Variants in SV2B observed in about 807,000 individuals in gnomAD.
SV2B encodes solute carrier family 22 member B2.
A neutral mutation model predicts 73.9 loss-of-function variants in SV2B; 41 were observed. The observed-to-expected ratio is 0.56, with a 90% CI of 0.43 to 0.72. SV2B has a LOEUF of 0.72. Among genes scored for constraint, SV2B ranks in the 30% least tolerant of loss-of-function variants. The pLI, the probability that SV2B is intolerant of heterozygous loss-of-function variation, is 0.00. For synonymous variants in SV2B, 314 were observed against 314.2 expected (o/e 1.00, Z 0.01); for missense variants, 764 against 857.8 (o/e 0.89, Z 1.37).
chr15:91,202,118 C>G (rs1435079151), intron 1 of SV2B, among the ~76,000 whole-genome samples: 2 of 152,200 alleles, frequency 1.3e-5, no homozygotes, highest in Non-Finnish European at 1.5e-5. Flanking sequence ...TCTCTCCTCA[C>G]TTCCCCACAT....
In SV2B at chr15:91,284,050, C is replaced by T. The variant is rs193920952; in HGVS notation, c.1537C>T (p.Arg513Trp). The T allele has an allele frequency of 1.9e-5, 30 of 1,614,078 alleles. No homozygotes were observed. The highest frequency in any genetic ancestry group is 1.6e-4 in the Middle Eastern group (1 of 6,084). Residue 513 changes from arginine to tryptophan, a missense_variant, in exon 11 of 13, where the codon CGG (arginine) becomes TGG (tryptophan). Transcript: ENST00000394232. This position sits in a 1 kb window ranked among gnomAD's most constrained non-coding sequence, Gnocchi z 4.5. ...CTACGAGCACAAGTTCATCAACTGTCGGTTTATCAACTCCACCTTCCTGGA... is the reference window on the plus strand; with the variant it reads ...CTACGAGCACAAGTTCATCAACTGTTGGTTTATCAACTCCACCTTCCTGGA... ...DLYEHKFINC[R>W]FINSTFLEQK...
At position 91,136,421 on chromosome 15, in the gene SV2B, C is replaced by T. The variant is rs1367143247; in HGVS notation, c.-392+36058C>T. Reference sequence around the variant, plus strand: ...CTTAGGTATATTCTCGGAGAGAGAACCTTTATTTACCCGTGCCCATCCAGC... The same window carrying T: ...CTTAGGTATATTCTCGGAGAGAGAATCTTTATTTACCCGTGCCCATCCAGC... On this transcript the variant is annotated intron_variant, in intron 1 of 12. Coordinates refer to ENST00000394232, the MANE Select transcript of SV2B (RefSeq NM_001323032.3). The surrounding 1 kb of genome is among the most constrained non-coding windows in gnomAD (Gnocchi z 5.6). Among the ~76,000 whole-genome samples the T allele has an allele frequency of 6.6e-6, 1 of 152,140 alleles. No individual in the cohort carries two copies. Among genetic ancestry groups the T allele is most frequent in the African/African-American group, 2.4e-5 (1 of 41,422 alleles).
rs1036435671 is a variant in SV2B at position 91,197,161 on chromosome 15, C to T, written c.-391-28712C>T. 6.6e-6 allele frequency among the ~76,000 whole-genome samples: 1 copy of T among 152,168 alleles called. No homozygotes were observed. Among genetic ancestry groups the T allele is most frequent in the African/African-American group, 2.4e-5 (1 of 41,450 alleles). On this transcript the variant is annotated intron_variant, in intron 1 of 12. Coordinates refer to ENST00000394232, the MANE Select transcript of SV2B (RefSeq NM_001323032.3). The surrounding 1 kb of genome is among the most constrained non-coding windows in gnomAD (Gnocchi z 4.9). ...TACCGTACTTCTCAGAGAATCAATA[C>T]CCATTAACAAAAAGAAATGCTGTGA...
At chr15:91,134,514 G>C (rs2042758318) in intron 1 of SV2B, among the ~76,000 whole-genome samples, 1 of 152,170 alleles carries the variant, frequency 6.6e-6, no homozygotes, top group Non-Finnish European at 1.5e-5. Flanking sequence ...AGAGCGAAAA[G>C]GGGGTGCTTT....
At chr15:91,189,993 A>G (rs868727132) in intron 1 of SV2B, among the ~76,000 whole-genome samples, 20 of 152,316 alleles carry the variant, frequency 1.3e-4, no homozygotes, top group East Asian at 3.8e-4. Context: ...ATCTCAAAAA[A>G]AAAGAAAGAA....
chr15:91,266,921 C>T, intron 7 of SV2B: 2 of 392,604 alleles, frequency 5.1e-6, no homozygotes, highest in Non-Finnish European at 9.0e-6. Flanking sequence ...TTTGTTCTTC[C>T]TTCCCAAGGC....
At chr15:91,107,618 A>G (rs1301596105) in intron 1 of SV2B, among the ~76,000 whole-genome samples, 1 of 149,486 alleles carries the variant, frequency 6.7e-6, no homozygotes, top group Non-Finnish European at 1.5e-5. Flanking sequence ...CTAACTTTCT[A>G]TTTTTTTTTG....
At position 91,226,558 on chromosome 15, in the gene SV2B, A is replaced by G. The variant is rs147254728; in HGVS notation, c.295A>G (p.Met99Val). 2.5e-6 allele frequency: 4 copies of G among 1,614,088 alleles called. No individual in the cohort carries two copies. The African/African-American group carries it at 5.3e-5, about 22-fold the overall frequency. The change falls in exon 2 of 13, where the codon ATG becomes GTG. Residue 99 changes from methionine (M) to valine (V), a missense_variant. Met to Val is a conservative substitution (Grantham distance 21, BLOSUM62 1). Coordinates refer to ENST00000394232, the MANE Select transcript of SV2B (RefSeq NM_001323032.3). ...EQLAHQYETI[M>V]DECGHGRFQW... ...GTTGGCCCACCAGTACGAGACCATCATGGATGAGTGTGGCCATGGCCGCTT... is the reference window on the plus strand; with the variant it reads ...GTTGGCCCACCAGTACGAGACCATCGTGGATGAGTGTGGCCATGGCCGCTT...
chr15:91,170,736 A>G (rs1201106586), intron 1 of SV2B, among the ~76,000 whole-genome samples: 1 of 152,266 alleles, frequency 6.6e-6, no homozygotes, highest in Non-Finnish European at 1.5e-5. Flanking sequence ...AGTGCTTGGC[A>G]TCAGGCAAGT....
Position 91,289,631 on chromosome 15 carries a change from T to G in SV2B, c.1819T>G (p.Trp607Gly). 1 of 1,614,094 alleles carries G rather than the reference T, an allele frequency of 6.2e-7. No individual in the cohort carries two copies. The highest frequency in any genetic ancestry group is 8.5e-7 in the Non-Finnish European group (1 of 1,180,030). ...GTTCTGTGGGACAAGCATTGCAGCCTGGAATGCTCTGGATGTGATCACAGT... is the reference window on the plus strand; with the variant it reads ...GTTCTGTGGGACAAGCATTGCAGCCGGGAATGCTCTGGATGTGATCACAGT... ...CLFCGTSIAA[W>G]NALDVITVEL... Residue 607 changes from tryptophan (W) to glycine (G), a missense_variant, in exon 12 of 13, where the codon TGG becomes GGG. Coordinates refer to ENST00000394232, the MANE Select transcript of SV2B (RefSeq NM_001323032.3). The surrounding 1 kb of genome is among the most constrained non-coding windows in gnomAD (Gnocchi z 4.9).
At chr15:91,151,914 C>G (rs926168500) in intron 1 of SV2B, among the ~76,000 whole-genome samples, 1 of 152,158 alleles carries the variant, frequency 6.6e-6, no homozygotes, top group Non-Finnish European at 1.5e-5. Context: ...TGCAAGAAAA[C>G]AGTAGTTACT....
chr15:91,107,297 G>GTTTGTTTATTTATTTATTTATTTATTTA (rs140617996), intron 1 of SV2B, among the ~76,000 whole-genome samples: 18 of 145,842 alleles, frequency 1.2e-4, no homozygotes, highest in South Asian at 8.7e-4. Context: ...TTATTTGTTT[G>GTTTGTTTATTTATTTATTTATTTATTTA]TTTATTTATT....
chr15:91,290,349 G>A lies in SV2B; in HGVS notation c.1868+669G>A, dbSNP rs1172525841. Among the ~76,000 whole-genome samples, 2 of 152,212 alleles carry A rather than the reference G, an allele frequency of 1.3e-5. No individual in the cohort carries two copies. The highest frequency in any genetic ancestry group is 2.9e-5 in the Non-Finnish European group (2 of 68,028). Reference sequence around the variant, plus strand: ...TGATATTTCCAAAATTGGCGACAGAGGTATTGGGATATAGATAACTAAGGA... The same window carrying A: ...TGATATTTCCAAAATTGGCGACAGAAGTATTGGGATATAGATAACTAAGGA... On this transcript the variant is annotated intron_variant, in intron 12 of 12. Transcript: ENST00000394232. This position sits in a 1 kb window ranked among gnomAD's most constrained non-coding sequence, Gnocchi z 4.7.
intron 1 of SV2B, among the ~76,000 whole-genome samples, chr15:91,175,572 TCC>T (rs1473153735): frequency 6.6e-6 from 1 of 152,082 alleles, no homozygotes; most frequent in African/African-American, 2.4e-5. Flanking sequence ...CTTTCTTATT[TCC>T]CAGTGAAATA....
At position 91,124,007 on chromosome 15, in the gene SV2B, G is replaced by C. The variant is rs1567270541; in HGVS notation, c.-392+23644G>C. Among the ~76,000 whole-genome samples, 2 of 152,170 alleles carry C rather than the reference G, an allele frequency of 1.3e-5. No homozygotes were observed. The highest frequency in any genetic ancestry group is 2.9e-5 in the Non-Finnish European group (2 of 68,034). ...AAAATATTCAGCTTGCAAGCTGCTA[G>C]TTCACAGACAGGCTTGAAATCCCTC... On this transcript the variant is annotated intron_variant, in intron 1 of 12. Coordinates refer to ENST00000394232, the MANE Select transcript of SV2B (RefSeq NM_001323032.3). This position sits in a 1 kb window ranked among gnomAD's most constrained non-coding sequence, Gnocchi z 4.6.
Position 91,130,499 on chromosome 15 carries a change from G to C in SV2B, c.-392+30136G>C, listed in dbSNP as rs1226841899. On this transcript the variant is annotated intron_variant, in intron 1 of 12. Coordinates refer to ENST00000394232, the MANE Select transcript of SV2B (RefSeq NM_001323032.3). The surrounding 1 kb of genome is among the most constrained non-coding windows in gnomAD (Gnocchi z 5.6). ...AAATGGAAGTGGAGGGTAAGGAACA[G>C]GGAATGAGAGAGAGAGAGAGAAGCA... Among the ~76,000 whole-genome samples, 2 of 152,154 alleles carry C rather than the reference G, an allele frequency of 1.3e-5. No homozygotes were observed. The highest frequency in any genetic ancestry group is 4.8e-5 in the African/African-American group (2 of 41,416).
chr15:91,273,814 G>A (rs1046313260), intron 9 of SV2B, among the ~76,000 whole-genome samples: 1 of 152,090 alleles, frequency 6.6e-6, no homozygotes, highest in Admixed American at 6.5e-5. Flanking sequence ...CTCCCTCGCC[G>A]GAGGTCATGA....
intron 1 of SV2B, among the ~76,000 whole-genome samples, chr15:91,116,714 T>C (rs968981388): frequency 9.9e-5 from 15 of 152,182 alleles, no homozygotes; most frequent in South Asian, 6.2e-4. Flanking sequence ...TAAACGGCTG[T>C]ATTAGTCTGT....
chr15:91,222,075 C>T (rs1279265184), intron 1 of SV2B, among the ~76,000 whole-genome samples: 1 of 152,188 alleles, frequency 6.6e-6, no homozygotes, highest in Non-Finnish European at 1.5e-5. Flanking sequence ...CAGTGCCTTC[C>T]TCTCCATTGT....
Sources: allele counts gnomAD v4.1 joint callset (sites outside exome capture counted in the v4.1 genomes callset), GRCh38; gene constraint gnomAD v4.1.1; non-coding constraint Gnocchi (gnomAD v3.1); transcripts MANE v1.5; gene names NCBI Gene and HGNC (gene_info 2026-07-23, HGNC 2026-07-21).